ZNF280B: variants seen among roughly 807,000 people sequenced by gnomAD.
ZNF280B encodes suppressor of hairy wing homolog 2.
In ZNF280B, 16 loss-of-function variants were observed where a neutral mutation model predicts 38.0. The observed-to-expected ratio is 0.42, with a 90% confidence interval of 0.28 to 0.64. The LOEUF is 0.64. Ranked by LOEUF, ZNF280B falls within the 30% of genes least tolerant of loss-of-function variation. ZNF280B has a pLI of 0.21. For missense variants in ZNF280B, 581 were observed against 639.6 expected, an observed-to-expected ratio of 0.91 and a Z score of 0.99; for synonymous variants, 253 against 230.6, an observed-to-expected ratio of 1.10 and a Z score of -0.88.
Position 22,488,376 on chromosome 22 carries a change from G to A in ZNF280B, c.1023C>T (p.Asn341=). ...FEKQRNDSWE[N]HTTCQHCHRQ... is the part of the protein sequence containing the mutation. ...GGTGGCAGTGCTGGCAGGTGGTGTGGTTTTCCCAGCTGTCGTTCCTCTGCT... is the reference window on the plus strand; with the variant it reads ...GGTGGCAGTGCTGGCAGGTGGTGTGATTTTCCCAGCTGTCGTTCCTCTGCT... The change falls in exon 4 of 4, where the codon AAC becomes AAT. Residue 341 remains asparagine, a synonymous_variant. Transcript: ENST00000626650. The A allele has an allele frequency of 6.2e-7, 1 of 1,613,876 alleles. No homozygotes were observed. The highest frequency in any genetic ancestry group is 8.5e-7 in the Non-Finnish European group (1 of 1,179,972).
chr22:22,489,029 G>A lies in ZNF280B; in HGVS notation c.370C>T (p.Pro124Ser). 6.2e-7 allele frequency: 1 copy of A among 1,613,836 alleles called. No homozygotes were observed. Among genetic ancestry groups the A allele is most frequent in the Non-Finnish European group, 8.5e-7 (1 of 1,179,960 alleles). Residue 124 changes from proline to serine, a missense_variant, in exon 4 of 4, where the codon CCT (proline) becomes TCT (serine). Coordinates refer to ENST00000626650, the MANE Select transcript of ZNF280B (RefSeq NM_080764.4). ...SPIIIEPLSK[P>S]DYRNSSPQVV... ...TGTGGTGAACTATTTCTATAATCAG[G>A]TTTAGACAAAGGCTCAATAATAATA...
chr22:22,505,052 T>C (rs940045511), intron 2 of ZNF280B, among the ~76,000 whole-genome samples: 5 of 151,834 alleles, frequency 3.3e-5, no homozygotes, highest in Middle Eastern at 3.3e-3. Context: ...TGGAGGCAGG[T>C]TGATACTCAC....
chr22:22,488,299 G>C lies in ZNF280B; in HGVS notation c.1100C>G (p.Thr367Ser). 3 of 1,613,918 alleles carry C rather than the reference G, an allele frequency of 1.9e-6. No individual in the cohort carries two copies. The highest frequency in any genetic ancestry group is 2.5e-6 in the Non-Finnish European group (3 of 1,179,978). The change falls in exon 4 of 4, where the codon ACT becomes AGT. Residue 367 changes from threonine to serine, a missense_variant. Physicochemically the swap from Thr to Ser is moderately conservative, Grantham distance 58. Transcript: ENST00000626650. ...ACAGACAGTAGAGGGCTCCTGGGCA[G>C]TGTGGACATTTTCGATGTGACACTG... ...QLQCHIENVH[T>S]AQEPSTVCKI...
chr22:22,504,495 G>A (rs544902945), intron 2 of ZNF280B, among the ~76,000 whole-genome samples: 17 of 150,970 alleles, frequency 1.1e-4, no homozygotes, highest in African/African-American at 4.1e-4. Flanking sequence ...AAAGGTGAAA[G>A]TCACTATTCT....
intron 3 of ZNF280B, among the ~76,000 whole-genome samples, chr22:22,490,169 G>A (rs998587468): frequency 6.6e-6 from 1 of 151,814 alleles, no homozygotes; most frequent in Non-Finnish European, 1.5e-5. Flanking sequence ...ATTCAGTAAT[G>A]CCTCCTAAAT....
rs1372762808 is a variant in ZNF280B at position 22,486,946 on chromosome 22, T to C, written c.*821A>G. Reference sequence around the variant, plus strand: ...TTCAGAATCTTTTCAGGTTATTTTATGCCAGCACAGCAGAGGCACTTCTGG... The same window carrying C: ...TTCAGAATCTTTTCAGGTTATTTTACGCCAGCACAGCAGAGGCACTTCTGG... On this transcript the variant is annotated 3_prime_UTR_variant, in exon 4 of 4. Coordinates refer to ENST00000626650, the MANE Select transcript of ZNF280B (RefSeq NM_080764.4). The C allele has an allele frequency of 6.6e-6, 1 of 152,028 alleles. No individual in the cohort carries two copies. The highest frequency in any genetic ancestry group is 2.4e-5 in the African/African-American group (1 of 41,408). 9.4% of individuals were successfully genotyped at this position (152,028 alleles called of 1,614,324 possible).
At chr22:22,498,783 G>A (rs1374734493) in intron 2 of ZNF280B, among the ~76,000 whole-genome samples, 1 of 137,968 alleles carries the variant, frequency 7.2e-6, no homozygotes, top group African/African-American at 2.7e-5. Flanking sequence ...GAAAACTACA[G>A]GCCAATATCC....
intron 2 of ZNF280B, among the ~76,000 whole-genome samples, chr22:22,497,444 T>C (rs1455856707): frequency 6.6e-6 from 1 of 151,462 alleles, no homozygotes; most frequent in Non-Finnish European, 1.5e-5. Flanking sequence ...GGCAAGAGAA[T>C]CAATTGAACC....
intron 1 of ZNF280B, among the ~76,000 whole-genome samples, chr22:22,508,415 T>G (rs2061983888): frequency 6.6e-6 from 1 of 151,312 alleles, no homozygotes; most frequent in Admixed American, 6.6e-5. Flanking sequence ...GGCGTCTGCG[T>G]GAGGGAGTGG....
chr22:22,489,348 T>C lies in ZNF280B; in HGVS notation c.51A>G (p.Ile17Met), dbSNP rs770034709. 5 of 1,613,352 alleles carry C rather than the reference T, an allele frequency of 3.1e-6. No homozygotes were observed. In the East Asian group the frequency reaches 1.1e-4, roughly 36 times the overall value. Reference protein sequence around the residue: ...EEKEPEPQKNIQETKQVDDED... With the variant: ...EEKEPEPQKNMQETKQVDDED... ...CGTCATCTACTTGTTTGGTTTCTTG[T>C]ATGTTCTTCTGTGGTTCAGGCTCTT... The change falls in exon 4 of 4, where the codon ATA becomes ATG. Residue 17 changes from isoleucine (I) to methionine (M), a missense_variant. Physicochemically the swap from Ile to Met is conservative, Grantham distance 10. Transcript: ENST00000626650.
rs2061481554 is a variant in ZNF280B, at chr22:22,484,543, A to C, written c.*3224T>G. ...AGCAAAATAGACAAGGAAATTCACA[A>C]AGGGCAATAACAAAATAGTAATCTT... On this transcript the variant is annotated 3_prime_UTR_variant, in exon 4 of 4. Coordinates refer to ENST00000626650, the MANE Select transcript of ZNF280B (RefSeq NM_080764.4). 1 of 152,450 alleles carries C rather than the reference A, an allele frequency of 6.6e-6. No homozygotes were observed. The highest frequency in any genetic ancestry group is 2.4e-5 in the African/African-American group (1 of 41,406). The allele number at this position is 152,450 out of a possible 1,614,324, so 9.4% of individuals were successfully genotyped here.
chr22:22,489,164 T>C lies in ZNF280B; in HGVS notation c.235A>G (p.Arg79Gly). The change falls in exon 4 of 4, where the codon AGA (arginine) becomes GGA (glycine). Residue 79 changes from arginine (R) to glycine (G), a missense_variant. Coordinates refer to ENST00000626650, the MANE Select transcript of ZNF280B (RefSeq NM_080764.4). Reference sequence around the variant, plus strand: ...TGCAATTTGCGAGCAGTATCTTTTCTAAGGTGATCATACTTTTTTCTCCTT... The same window carrying C: ...TGCAATTTGCGAGCAGTATCTTTTCCAAGGTGATCATACTTTTTTCTCCTT... ...WSRRKKYDHLRKDTARKLQPK... is the reference protein window; with the variant it reads ...WSRRKKYDHLGKDTARKLQPK... 6.2e-7 allele frequency: 1 copy of C among 1,613,906 alleles called. No homozygotes were observed. Among genetic ancestry groups the C allele is most frequent in the South Asian group, 1.1e-5 (1 of 91,072 alleles).
chr22:22,488,781 A>G lies in ZNF280B; in HGVS notation c.618T>C (p.Asp206=), dbSNP rs1332599601. 1 of 1,613,870 alleles carries G rather than the reference A, an allele frequency of 6.2e-7. No individual in the cohort carries two copies. The highest frequency in any genetic ancestry group is 8.5e-7 in the Non-Finnish European group (1 of 1,179,956). Residue 206 remains aspartate (D), a synonymous_variant, in exon 4 of 4, where the codon GAT becomes GAC. Transcript: ENST00000626650. The part of the protein sequence containing the change: ...EGNSSASFPS[D]TFHTMNTQQS... ...GCTGAGTATTCATTGTATGAAAGGT[A>G]TCTGAAGGGAATGAAGCTGAAGAAT...
intron 2 of ZNF280B, among the ~76,000 whole-genome samples, chr22:22,497,624 A>C (rs1002251114): frequency 6.6e-6 from 1 of 152,006 alleles, no homozygotes; most frequent in Non-Finnish European, 1.5e-5. Context: ...AAAAAAAGGC[A>C]TAACAAAGTC....
intron 2 of ZNF280B, among the ~76,000 whole-genome samples, chr22:22,507,552 CTCTT>C (rs2061964271): frequency 2.0e-5 from 3 of 147,606 alleles, no homozygotes; most frequent in Admixed American, 1.4e-4. Flanking sequence ...ATCCCTGATG[CTCTT>C]TTTTTTTTTT....
At chr22:22,493,765 A>G (rs1252660916) in intron 3 of ZNF280B, among the ~76,000 whole-genome samples, 7 of 151,944 alleles carry the variant, frequency 4.6e-5, no homozygotes, top group South Asian at 2.1e-4. Context: ...TTCAAATTAT[A>G]TAACACAACA....
At chr22:22,503,943 T>C (rs2061879271) in intron 2 of ZNF280B, among the ~76,000 whole-genome samples, 1 of 152,046 alleles carries the variant, frequency 6.6e-6, no homozygotes, top group Admixed American at 6.6e-5. Context: ...AAACCCCAGT[T>C]AAGACTTCTG....
At chr22:22,502,611 A>G (rs1303893302) in intron 2 of ZNF280B, among the ~76,000 whole-genome samples, 2 of 151,990 alleles carry the variant, frequency 1.3e-5, no homozygotes, top group Non-Finnish European at 2.9e-5. Context: ...AACTAAGTAC[A>G]AACAAGCATA....
At chr22:22,489,495 A>T (rs891129022) in intron 3 of ZNF280B, 29 bp from the exon 4 acceptor site, 1 of 1,046,438 alleles carries the variant, frequency 9.6e-7, no homozygotes, top group Non-Finnish European at 1.4e-6. Context: ...CAGTAAGTAC[A>T]GGAAAATGCA....
Sources: allele counts gnomAD v4.1 joint callset (sites outside exome capture counted in the v4.1 genomes callset), GRCh38; gene constraint gnomAD v4.1.1; transcripts MANE v1.5; gene names NCBI Gene and HGNC (gene_info 2026-07-23, HGNC 2026-07-21).